Variants in ATP6V1E1 observed in about 807,000 individuals in gnomAD.
ATP6V1E1 encodes ATPase H+ transporting V1 subunit E1, also known as V-type proton ATPase subunit E 1.
In ATP6V1E1, 21 loss-of-function variants were observed where a neutral mutation model predicts 35.2. That is an observed-to-expected ratio of 0.60 (90% CI 0.42 to 0.86). ATP6V1E1 has a LOEUF of 0.86. ATP6V1E1 is among the 40% of genes least tolerant of loss of function. The probability of loss-of-function intolerance (pLI) is 0.00; values close to 1 mark genes in which losing one functional copy is unlikely to be tolerated. For missense variants in ATP6V1E1, 183 were observed against 272.6 expected (o/e 0.67, Z 2.32); for synonymous variants, 83 against 87.8 (o/e 0.95, Z 0.30).
intron 8 of ATP6V1E1, among the ~76,000 whole-genome samples, chr22:17,594,072 G>C (rs954062809): frequency 1.7e-4 from 26 of 152,056 alleles, no homozygotes; most frequent in African/African-American, 4.1e-4. Context: ...TGTGGTGGCA[G>C]GTGCCTGTAA....
In ATP6V1E1 at chr22:17,594,620, C is replaced by CA. The variant is rs35683311; in HGVS notation, c.531-5dup. The CA allele has an allele frequency of 0.015, 18,847 of 1,298,544 alleles. 11 individuals are homozygous for CA. The highest frequency in any genetic ancestry group is 0.03 in the South Asian group (1,905 of 62,996). The allele number at this position is 1,298,544 out of a possible 1,614,324, so 80.4% of individuals were successfully genotyped here. ...ATAGATCTCAACTCCACCAGCTCTGCAAAAAAAAAAGCACAGGAAATAATC... is the reference window on the plus strand; with the variant it reads ...ATAGATCTCAACTCCACCAGCTCTGCAAAAAAAAAAAGCACAGGAAATAATC... On this transcript the variant is annotated splice_polypyrimidine_tract_variant and splice_region_variant and intron_variant, in intron 7 of 8. Transcript: ENST00000253413.
chr22:17,616,844 C>T lies in ATP6V1E1; in HGVS notation c.99+2617G>A, dbSNP rs1358480068. Among the ~76,000 whole-genome samples, 6 of 66,624 alleles carry T rather than the reference C, an allele frequency of 9.0e-5. 2 individuals are homozygous for T. Among genetic ancestry groups the T allele is most frequent in the Non-Finnish European group, 1.7e-4 (5 of 29,672 alleles). 43.7% of individuals were successfully genotyped at this position (66,624 alleles called of 152,430 possible). Reference sequence around the variant, plus strand: ...CGGGCGGATCACGAGGTCAGGAGATCGAGACCATCCCGGCTAAAACGGTGA... The same window carrying T: ...CGGGCGGATCACGAGGTCAGGAGATTGAGACCATCCCGGCTAAAACGGTGA... On this transcript the variant is annotated intron_variant, in intron 2 of 8. Transcript: ENST00000253413.
At chr22:17,609,293 T>TG (rs2057802493) in intron 4 of ATP6V1E1, among the ~76,000 whole-genome samples, 1 of 150,682 alleles carries the variant, frequency 6.6e-6, no homozygotes, top group Non-Finnish European at 1.5e-5. Context: ...CTCGAGTAGC[T>TG]GGGACTATAG....
At chr22:17,610,404 C>T (rs531733421) in intron 4 of ATP6V1E1, among the ~76,000 whole-genome samples, 33 of 152,234 alleles carry the variant, frequency 2.2e-4, no homozygotes, top group Middle Eastern at 3.4e-3. Flanking sequence ...CCATCTAAGG[C>T]AGGACAGCAT....
At chr22:17,625,048 CAGA>C (rs763805496) in intron 1 of ATP6V1E1, among the ~76,000 whole-genome samples, 2 of 152,006 alleles carry the variant, frequency 1.3e-5, no homozygotes, top group African/African-American at 4.8e-5. Flanking sequence ...AAGCAGTGAA[CAGA>C]AGAAGCAGTG....
At chr22:17,612,186 C>T (rs1485845138) in intron 4 of ATP6V1E1, among the ~76,000 whole-genome samples, 1 of 152,062 alleles carries the variant, frequency 6.6e-6, no homozygotes, top group Non-Finnish European at 1.5e-5. Context: ...ACTCTCATTT[C>T]TCCAACTCAT....
chr22:17,608,131 G>C (rs2057795476), intron 4 of ATP6V1E1, among the ~76,000 whole-genome samples: 1 of 152,170 alleles, frequency 6.6e-6, no homozygotes, highest in Non-Finnish European at 1.5e-5. Flanking sequence ...TTAGACTGCA[G>C]ACTCCTAGAG....
chr22:17,619,359 G>A lies in ATP6V1E1; in HGVS notation c.99+102C>T, dbSNP rs542764327. On this transcript the variant is annotated intron_variant, in intron 2 of 8. Transcript: ENST00000253413. ...AAGGAAGAGACATTTTTATCAGTCCGATGCAATCTGTTGTTAAGCAGTTTT... is the reference window on the plus strand; with the variant it reads ...AAGGAAGAGACATTTTTATCAGTCCAATGCAATCTGTTGTTAAGCAGTTTT... 7.4e-4 allele frequency: 751 copies of A among 1,016,056 alleles called. 2 individuals are homozygous for A. Among genetic ancestry groups the A allele is most frequent in the Admixed American group, 6.7e-4 (27 of 40,598 alleles). 62.9% of individuals were successfully genotyped at this position (1,016,056 alleles called of 1,614,324 possible).
intron 4 of ATP6V1E1, among the ~76,000 whole-genome samples, chr22:17,601,466 G>A (rs892101701): frequency 1.3e-5 from 2 of 152,080 alleles, no homozygotes; most frequent in East Asian, 1.9e-4. Flanking sequence ...AAAGATGCGC[G>A]CGATGTAACT....
intron 6 of ATP6V1E1, among the ~76,000 whole-genome samples, chr22:17,599,193 G>A (rs1569202777): frequency 6.6e-6 from 1 of 152,004 alleles, no homozygotes; most frequent in Non-Finnish European, 1.5e-5. Context: ...TTCTGAAGAT[G>A]GATGGTGGTG....
Position 17,606,248 on chromosome 22 carries a change from C to G in ATP6V1E1, c.277-5067G>C, listed in dbSNP as rs79519444. 7.1e-3 allele frequency among the ~76,000 whole-genome samples: 1,081 copies of G among 152,276 alleles called. 15 individuals are homozygous for G. Among genetic ancestry groups the G allele is most frequent in the African/African-American group, 0.025 (1,047 of 41,560 alleles). The stretch of plus-strand genomic sequence containing the variant: ...TTTTCCCCTTCCTTCCATCTTTTGT[C>G]AATATCCTTTTCTAACTGCATGACA... On this transcript the variant is annotated intron_variant, in intron 4 of 8. Transcript: ENST00000253413.
At chr22:17,602,617 C>G (rs560867392) in intron 4 of ATP6V1E1, among the ~76,000 whole-genome samples, 1 of 151,890 alleles carries the variant, frequency 6.6e-6, no homozygotes, top group East Asian at 2.0e-4. Context: ...CCTCGTGATC[C>G]GCCTGCCTCA....
At chr22:17,619,005 A>G (rs761408494) in intron 2 of ATP6V1E1, 7 of 453,122 alleles carry the variant, frequency 1.5e-5, no homozygotes, top group Admixed American at 2.4e-5. Flanking sequence ...CTCAAAATGA[A>G]AGAAGGGGCC....
intron 2 of ATP6V1E1, among the ~76,000 whole-genome samples, chr22:17,616,319 G>A (rs913948669): frequency 2.6e-5 from 4 of 152,106 alleles, no homozygotes; most frequent in African/African-American, 9.7e-5. Flanking sequence ...CTGCACTCCA[G>A]CCTGGGCAAT....
At chr22:17,614,107 T>C (rs1389099918) in intron 2 of ATP6V1E1, among the ~76,000 whole-genome samples, 1 of 152,168 alleles carries the variant, frequency 6.6e-6, no homozygotes, top group Admixed American at 6.5e-5. Flanking sequence ...TCCCAGCACT[T>C]TGGGAGGCCA....
At chr22:17,596,349 G>A (rs998152617) in intron 7 of ATP6V1E1, among the ~76,000 whole-genome samples, 15 of 152,138 alleles carry the variant, frequency 9.9e-5, no homozygotes, top group Non-Finnish European at 1.6e-4. Flanking sequence ...ATGAACTGTG[G>A]CGAGGGCCTG....
chr22:17,621,017 G>A (rs1453154116), intron 1 of ATP6V1E1, among the ~76,000 whole-genome samples: 2 of 151,918 alleles, frequency 1.3e-5, no homozygotes, highest in Non-Finnish European at 2.9e-5. Flanking sequence ...AGCCGAGATC[G>A]CGCCACTGCA....
At chr22:17,627,820 A>G (rs2057925168) in intron 1 of ATP6V1E1, among the ~76,000 whole-genome samples, 1 of 146,750 alleles carries the variant, frequency 6.8e-6, no homozygotes, top group Non-Finnish European at 1.5e-5. Context: ...CTCCGTCTCA[A>G]AAAAAAAAAA....
Position 17,598,271 on chromosome 22 carries a change from T to C in ATP6V1E1, c.453A>G (p.Ala151=), listed in dbSNP as rs2057742945. The change falls in exon 7 of 9, where the codon GCA becomes GCG. Residue 151 remains alanine (A), a synonymous_variant. Transcript: ENST00000253413. ...TGGTGGCAATTTTGTACATAGGAAT[T>C]GCCTTCTGCACTGCAGCCTGGAAGT... The part of the protein sequence containing the change: ...FPLVKAAVQK[A]IPMYKIATKN... The C allele has an allele frequency of 2.5e-6, 4 of 1,613,910 alleles. No homozygotes were observed. The highest frequency in any genetic ancestry group is 3.4e-6 in the Non-Finnish European group (4 of 1,179,798).
Sources: allele counts gnomAD v4.1 joint callset (sites outside exome capture counted in the v4.1 genomes callset), GRCh38; gene constraint gnomAD v4.1.1; transcripts MANE v1.5; gene names NCBI Gene and HGNC (gene_info 2026-07-23, HGNC 2026-07-21).